Variants in RUNX2 observed in about 807,000 individuals in gnomAD.
The protein encoded by RUNX2 is RUNX family transcription factor 2.
A neutral mutation model predicts 51.7 loss-of-function variants in RUNX2; 10 were observed. The ratio of observed to expected loss-of-function variants is 0.19; its 90% CI spans 0.12 to 0.33. RUNX2 has a LOEUF of 0.33. RUNX2 is among the 10% of genes least tolerant of loss of function. The pLI is 1.00. For synonymous variants in RUNX2, 276 were observed against 273.6 expected, an observed-to-expected ratio of 1.01 and a Z score of -0.09; for missense variants, 562 against 691.3, an observed-to-expected ratio of 0.81 and a Z score of 2.10.
chr6:45,420,349 T>G (rs1798153467), intron 2 of RUNX2, among the ~76,000 whole-genome samples: 2 of 152,098 alleles, frequency 1.3e-5, no homozygotes, highest in Non-Finnish European at 2.9e-5. Context: ...GACCCGGGCG[T>G]GGGCTCAGCG....
chr6:45,427,489 CTG>C (rs1454156206), intron 3 of RUNX2, among the ~76,000 whole-genome samples: 4 of 151,964 alleles, frequency 2.6e-5, no homozygotes, highest in Non-Finnish European at 5.9e-5. Context: ...AAAATATTAA[CTG>C]TAGTATTTGT....
At chr6:45,448,585 C>T (rs1218845106) in intron 5 of RUNX2, among the ~76,000 whole-genome samples, 1 of 151,968 alleles carries the variant, frequency 6.6e-6, no homozygotes, top group Non-Finnish European at 1.5e-5. Context: ...TGGGGTTGTG[C>T]AGTAGTTGGC....
chr6:45,356,645 TC>T (rs755174664), intron 2 of RUNX2, among the ~76,000 whole-genome samples: 4 of 152,114 alleles, frequency 2.6e-5, no homozygotes, highest in Admixed American at 6.5e-5. Context: ...CCTCAAGTGA[TC>T]TGCCCACCTC....
intron 2 of RUNX2, chr6:45,422,295 T>G: frequency 1.7e-5 from 6 of 344,848 alleles, no homozygotes; most frequent in East Asian, 1.6e-4. Flanking sequence ...CCGCGCCCGT[T>G]CGCAGCTGCC....
rs533729812 is a variant in RUNX2 at position 45,342,255 on chromosome 6, T to C, written c.58+13471T>C. Among the ~76,000 whole-genome samples, 5 of 152,196 alleles carry C rather than the reference T, an allele frequency of 3.3e-5. No individual in the cohort carries two copies. In the South Asian group the frequency reaches 1.0e-3, roughly 32 times the overall value. Reference sequence around the variant, plus strand: ...AAAAAAAATAGAATACTAAGTTATATATAACACAATCTCAATTTTTTTTTT... The same window carrying C: ...AAAAAAAATAGAATACTAAGTTATACATAACACAATCTCAATTTTTTTTTT... On this transcript the variant is annotated intron_variant, in intron 2 of 8. Coordinates refer to ENST00000647337, the MANE Select transcript of RUNX2 (RefSeq NM_001024630.4).
At chr6:45,524,169 G>A (rs899251102) in intron 7 of RUNX2, among the ~76,000 whole-genome samples, 1 of 152,152 alleles carries the variant, frequency 6.6e-6, no homozygotes, top group Non-Finnish European at 1.5e-5. Context: ...CAGAATTTAA[G>A]TAACTTGGTC....
chr6:45,506,301 GAAAGA>G (rs750969489), intron 6 of RUNX2, among the ~76,000 whole-genome samples: 4 of 152,126 alleles, frequency 2.6e-5, no homozygotes, highest in Non-Finnish European at 4.4e-5. Flanking sequence ...CATCAGATAG[GAAAGA>G]CCTGATTTTC....
intron 7 of RUNX2, among the ~76,000 whole-genome samples, chr6:45,526,873 G>A (rs1035795077): frequency 6.6e-6 from 1 of 152,138 alleles, no homozygotes; most frequent in African/African-American, 2.4e-5. Flanking sequence ...AATAATACCT[G>A]CTTTAATAGG....
chr6:45,447,323 C>T (rs79189974), intron 5 of RUNX2, among the ~76,000 whole-genome samples: 1 of 152,172 alleles, frequency 6.6e-6, no homozygotes, highest in African/African-American at 2.4e-5. Context: ...CTGATATACT[C>T]TTAAGAGTGC....
chr6:45,431,509 C>CCTT (rs1380179875), intron 3 of RUNX2, among the ~76,000 whole-genome samples: 1 of 152,172 alleles, frequency 6.6e-6, no homozygotes, highest in East Asian at 1.9e-4. Flanking sequence ...ACAGGTGGTG[C>CCTT]CTTGATCTGT....
intron 5 of RUNX2, among the ~76,000 whole-genome samples, chr6:45,489,349 C>T (rs1176236732): frequency 6.6e-6 from 1 of 152,012 alleles, no homozygotes; most frequent in Non-Finnish European, 1.5e-5. Context: ...TTATTTTTGC[C>T]TGCAAACTCT....
intron 2 of RUNX2, among the ~76,000 whole-genome samples, chr6:45,404,303 A>G (rs1797787625): frequency 7.7e-6 from 1 of 129,086 alleles, no homozygotes. Context: ...AAAAAAGGAA[A>G]AAAAAGAAAA....
chr6:45,426,025 C>G (rs1025463164), intron 3 of RUNX2, among the ~76,000 whole-genome samples: 1 of 152,116 alleles, frequency 6.6e-6, no homozygotes, highest in Admixed American at 6.5e-5. Context: ...ATTCAATAGA[C>G]TGTTTTGAAA....
chr6:45,521,283 G>T (rs1801501883), intron 7 of RUNX2, among the ~76,000 whole-genome samples: 2 of 152,184 alleles, frequency 1.3e-5, no homozygotes, highest in African/African-American at 4.8e-5. Context: ...CAAAACAAGA[G>T]AAACTTTCAT....
chr6:45,495,868 C>A (rs1800629051), intron 6 of RUNX2, among the ~76,000 whole-genome samples: 1 of 152,192 alleles, frequency 6.6e-6, no homozygotes, highest in Non-Finnish European at 1.5e-5. Context: ...TAGCTAGAAC[C>A]TAATTAAAGT....
intron 5 of RUNX2, among the ~76,000 whole-genome samples, chr6:45,459,085 A>G (rs1175963814): frequency 6.6e-6 from 1 of 152,128 alleles, no homozygotes; most frequent in Non-Finnish European, 1.5e-5. Context: ...TTGACATCCC[A>G]TATTCTCTCT....
At chr6:45,508,319 C>T (rs141557209) in intron 6 of RUNX2, among the ~76,000 whole-genome samples, 1,986 of 146,084 alleles carry the variant, frequency 0.014, 32 homozygotes, top group African/African-American at 0.047. Context: ...ACCTCCGCCT[C>T]TTGGGTTCAA....
chr6:45,483,984 T>C (rs965297689), intron 5 of RUNX2, among the ~76,000 whole-genome samples: 9 of 152,184 alleles, frequency 5.9e-5, no homozygotes, highest in African/African-American at 1.4e-4. Context: ...TTTAATTCAA[T>C]AGACAATGGA....
At chr6:45,418,184 A>G (rs1184146999) in intron 2 of RUNX2, among the ~76,000 whole-genome samples, 2 of 152,164 alleles carry the variant, frequency 1.3e-5, no homozygotes, top group African/African-American at 4.8e-5. Flanking sequence ...AAGTATATAT[A>G]AAATAATGTA....
Sources: gnomAD v4.1 joint callset for allele counts (sites outside exome capture counted in the v4.1 genomes callset) on GRCh38, gnomAD v4.1.1 for gene constraint, MANE v1.5 for transcripts, NCBI Gene and HGNC (gene_info 2026-07-23, HGNC 2026-07-21) for gene names.